The following CHAC1 variants were observed in gnomAD, a reference collection of about 807,000 sequenced individuals.
CHAC1 encodes the protein ChaC glutathione specific gamma-glutamylcyclotransferase 1.
CHAC1 carries 22 observed loss-of-function variants against 22.1 expected under a neutral mutation model. The ratio of observed to expected loss-of-function variants is 1.00; its 90% CI spans 0.71 to 1.42. The LOEUF (loss-of-function observed/expected upper bound fraction) is 1.42. Ranked by LOEUF, CHAC1 falls within the 40% of genes most tolerant of loss-of-function variation. The pLI, the probability that CHAC1 is intolerant of heterozygous loss-of-function variation, is 0.00. For missense variants in CHAC1, 272 were observed against 299.2 expected (o/e 0.91, Z 0.67); for synonymous variants, 145 against 128.7 (o/e 1.13, Z -0.86).
In CHAC1 at chr15:40,955,696, C is replaced by G. The variant is rs1325157641; in HGVS notation, c.591C>G (p.His197Gln). ...GTGGGCCTCAGGCGCAGGACGAGCA[C>G]CTGGCAGCCATCGTGGACGCTGTGG... ...QLCGPQAQDE[H>Q]LAAIVDAVGT... is the part of the protein sequence containing the mutation. Residue 197 changes from histidine (H) to glutamine (Q), a missense_variant, in exon 3 of 3, where the codon CAC becomes CAG. By Grantham distance (24) the His-to-Gln change is conservative (BLOSUM62 0). Coordinates refer to ENST00000617768, the MANE Select transcript of CHAC1 (RefSeq NM_024111.6). 11 of 1,609,100 alleles carry G rather than the reference C, an allele frequency of 6.8e-6. No homozygotes were observed. The highest frequency in any genetic ancestry group is 2.2e-5 in the East Asian group (1 of 44,878).
Position 40,955,911 on chromosome 15 carries a change from C to T in CHAC1, c.*137C>T, listed in dbSNP as rs139980363. ...GGCTGGAGGCTTCTCTTTCTCAGTC[C>T]CTGCCTGTCTGCCAGCCTGCAGCTC... On this transcript the variant is annotated 3_prime_UTR_variant, in exon 3 of 3. Coordinates refer to ENST00000617768, the MANE Select transcript of CHAC1 (RefSeq NM_024111.6). 5.7e-6 allele frequency: 5 copies of T among 870,948 alleles called. No individual in the cohort carries two copies. The East Asian group carries it at 1.3e-4, about 23-fold the overall frequency. 54.0% of individuals were successfully genotyped at this position (870,948 alleles called of 1,614,324 possible).
Position 40,953,703 on chromosome 15 carries a change from C to T in CHAC1, c.120C>T (p.Ser40=), listed in dbSNP as rs1477705418. The T allele has an allele frequency of 6.2e-7, 1 of 1,606,806 alleles. No individual in the cohort carries two copies. The highest frequency in any genetic ancestry group is 1.7e-5 in the Admixed American group (1 of 60,022). The part of the protein sequence containing the change: ...PQALWIFGYG[S]LVWRPDFAYS... ...CGCTGTGGATTTTCGGGTACGGCTC[C>T]CTGGTGTGGAGGCCCGACTTCGCCT... is the stretch of plus-strand genomic sequence containing the variant. Residue 40 remains serine, a synonymous_variant, in exon 1 of 3, where the codon TCC becomes TCT. Coordinates refer to ENST00000617768, the MANE Select transcript of CHAC1 (RefSeq NM_024111.6).
chr15:40,954,333 G>C, intron 2 of CHAC1, 70 bp downstream of exon 2: 1 of 1,507,220 alleles, frequency 6.6e-7, no homozygotes, highest in Non-Finnish European at 9.2e-7. Context: ...GAGCTCATAG[G>C]CTCTTGGCTG....
chr15:40,954,308 G>T (rs746359894), intron 2 of CHAC1, 45 bp downstream of exon 2: 7 of 1,602,216 alleles, frequency 4.4e-6, no homozygotes, highest in African/African-American at 2.7e-5. Flanking sequence ...CAGTGTGAAG[G>T]GGGACCAGCA....
At chr15:40,954,972 C>T (rs1364176970) in intron 2 of CHAC1, among the ~76,000 whole-genome samples, 2 of 150,220 alleles carry the variant, frequency 1.3e-5, no homozygotes, top group Non-Finnish European at 2.9e-5. Context: ...GAAGTCACTG[C>T]AACCTCCACC....
chr15:40,953,678 C>T lies in CHAC1; in HGVS notation c.95C>T (p.Ala32Val), dbSNP rs1893158782. The part of the protein sequence containing the change: ...QFPRNDGDPQ[A>V]LWIFGYGSLV... Reference sequence around the variant, plus strand: ...CCCCGAAACGACGGCGACCCTCAAGCGCTGTGGATTTTCGGGTACGGCTCC... The same window carrying T: ...CCCCGAAACGACGGCGACCCTCAAGTGCTGTGGATTTTCGGGTACGGCTCC... Residue 32 changes from alanine to valine, a missense_variant, in exon 1 of 3, where the codon GCG becomes GTG. By Grantham distance (64) the Ala-to-Val change is moderately conservative. Coordinates refer to ENST00000617768, the MANE Select transcript of CHAC1 (RefSeq NM_024111.6). 1 of 1,608,542 alleles carries T rather than the reference C, an allele frequency of 6.2e-7. No individual in the cohort carries two copies. Among genetic ancestry groups the T allele is most frequent in the Admixed American group, 1.7e-5 (1 of 60,028 alleles).
At chr15:40,955,335 T>C (rs1469277450) in intron 2 of CHAC1, 38 bp from the exon 3 acceptor site, 2 of 1,606,566 alleles carry the variant, frequency 1.2e-6, no homozygotes, top group African/African-American at 2.7e-5. Flanking sequence ...AGCAAGGAGC[T>C]GTCATGACTG....
In CHAC1 at chr15:40,955,351, G is replaced by A. The variant is rs561417357; in HGVS notation, c.268-22G>A. The stretch of plus-strand genomic sequence containing the variant: ...GCAAGGAGCTGTCATGACTGACCCC[G>A]GGTGTCCCTATTTCTTCCCAGGGCT... On this transcript the variant is annotated intron_variant, in intron 2 of 2. Coordinates refer to ENST00000617768, the MANE Select transcript of CHAC1 (RefSeq NM_024111.6). The A allele has an allele frequency of 1.9e-5, 30 of 1,611,926 alleles. No homozygotes were observed. The Admixed American group carries it at 2.7e-4, about 14-fold the overall frequency.
In CHAC1 at chr15:40,955,465, C is replaced by T; in HGVS notation, c.360C>T (p.Gly120=). ...YLNVREAVLG[G]YDTKEVTFYP... ...ATGTGCGAGAGGCAGTGCTTGGTGG[C>T]TACGATACCAAGGAGGTCACCTTCT... Residue 120 remains glycine (G), a synonymous_variant, in exon 3 of 3, where the codon GGC becomes GGT. Transcript: ENST00000617768. 6.2e-7 allele frequency: 1 copy of T among 1,614,134 alleles called. No homozygotes were observed. Among genetic ancestry groups the T allele is most frequent in the Non-Finnish European group, 8.5e-7 (1 of 1,180,000 alleles).
intron 2 of CHAC1, 111 bp downstream of exon 2, chr15:40,954,374 A>G (rs767634478): frequency 9.7e-6 from 11 of 1,131,256 alleles, no homozygotes; most frequent in Middle Eastern, 2.7e-4. Flanking sequence ...CTTCTCTGGC[A>G]GAGTAGAAAC....
At chr15:40,954,130 C>T in intron 1 of CHAC1, 98 bp from the exon 2 acceptor site, 1 of 1,327,040 alleles carries the variant, frequency 7.5e-7, no homozygotes, top group Non-Finnish European at 1.1e-6. Context: ...GAGTGGGGCA[C>T]TTGGAGGCCC....
Position 40,955,379 on chromosome 15 carries a change from A to G in CHAC1, c.274A>G (p.Thr92Ala), listed in dbSNP as rs138681810. 5.0e-5 allele frequency: 80 copies of G among 1,613,746 alleles called. No homozygotes were observed. The African/African-American group carries it at 1.0e-3, about 20-fold the overall frequency. ...VTLLEDHEGC[T>A]WGVAYQVQGE... ...TGTCCCTATTTCTTCCCAGGGCTGC[A>G]CTTGGGGCGTGGCATACCAAGTGCA... The change falls in exon 3 of 3, where the codon ACT (threonine) becomes GCT (alanine). Residue 92 changes from threonine (T) to alanine (A), a missense_variant. By Grantham distance (58) the Thr-to-Ala change is moderately conservative. Transcript: ENST00000617768.
chr15:40,954,218 C>G lies in CHAC1; in HGVS notation c.232-10C>G, dbSNP rs1029847409. 3.5e-5 allele frequency: 57 copies of G among 1,613,802 alleles called. No individual in the cohort carries two copies. The highest frequency in any genetic ancestry group is 4.2e-5 in the Non-Finnish European group (50 of 1,179,890). On this transcript the variant is annotated splice_polypyrimidine_tract_variant and intron_variant, in intron 1 of 2. Coordinates refer to ENST00000617768, the MANE Select transcript of CHAC1 (RefSeq NM_024111.6). ...ACTTGTCTATTTCAAAATATTTCTT[C>G]CCTCCCTAGCCTGGCCGTGTGGTGA...
Position 40,955,958 on chromosome 15 carries a change from T to G in CHAC1, c.*184T>G. The G allele has an allele frequency of 1.6e-6, 1 of 634,066 alleles. No individual in the cohort carries two copies. The highest frequency in any genetic ancestry group is 1.8e-5 in the African/African-American group (1 of 54,622). The allele number at this position is 634,066 out of a possible 1,614,324, so 39.3% of individuals were successfully genotyped here. On this transcript the variant is annotated 3_prime_UTR_variant, in exon 3 of 3. Transcript: ENST00000617768. ...GCTCTCCTGCTTGACACTGACTTAC[T>G]ACTTGAAACTTTATTTATTGCACCA...
chr15:40,953,545 C>G lies in CHAC1; in HGVS notation c.-39C>G, dbSNP rs1245976457. 4.4e-6 allele frequency: 7 copies of G among 1,607,692 alleles called. No individual in the cohort carries two copies. Among genetic ancestry groups the G allele is most frequent in the Non-Finnish European group, 5.9e-6 (7 of 1,179,430 alleles). On this transcript the variant is annotated 5_prime_UTR_variant, in exon 1 of 3. Transcript: ENST00000617768. ...TTTCCGTGCCCACGCCGGAGACCAG[C>G]CCCGGAGGCCGCCTGGGCCTATCCC...
In CHAC1 at chr15:40,955,953, CT is replaced by C; in HGVS notation, c.*181del. ...CTGCAGCTCTCCTGCTTGACACTGA[CT>C]TACTACTTGAAACTTTATTTATTGC... On this transcript the variant is annotated 3_prime_UTR_variant, in exon 3 of 3. Coordinates refer to ENST00000617768, the MANE Select transcript of CHAC1 (RefSeq NM_024111.6). 1 of 655,144 alleles carries C rather than the reference CT, an allele frequency of 1.5e-6. No homozygotes were observed. Among genetic ancestry groups the C allele is most frequent in the Non-Finnish European group, 2.6e-6 (1 of 390,920 alleles). The allele number at this position is 655,144 out of a possible 1,614,324, so 40.6% of individuals were successfully genotyped here.
At chr15:40,954,129 A>T in intron 1 of CHAC1, 99 bp from the exon 2 acceptor site, 2 of 1,271,912 alleles carry the variant, frequency 1.6e-6, no homozygotes, top group South Asian at 1.2e-5. Context: ...AGAGTGGGGC[A>T]CTTGGAGGCC....
Position 40,955,802 on chromosome 15 carries a change from A to C in CHAC1, c.*28A>C, listed in dbSNP as rs764461658. 6.4e-7 allele frequency: 1 copy of C among 1,555,272 alleles called. No individual in the cohort carries two copies. Among genetic ancestry groups the C allele is most frequent in the Non-Finnish European group, 8.6e-7 (1 of 1,156,152 alleles). On this transcript the variant is annotated 3_prime_UTR_variant, in exon 3 of 3. Transcript: ENST00000617768. Reference sequence around the variant, plus strand: ...GGCTGAGCCCCTGCGGGGAGTGCTCATGTGGACATCAGGGCCAGACACCCA... The same window carrying C: ...GGCTGAGCCCCTGCGGGGAGTGCTCCTGTGGACATCAGGGCCAGACACCCA...
At chr15:40,955,258 C>A in intron 2 of CHAC1, 115 bp from the exon 3 acceptor site, 2 of 1,158,492 alleles carry the variant, frequency 1.7e-6, no homozygotes, top group Admixed American at 2.2e-5. Context: ...GCTCATCAGC[C>A]GACCACAGCC....
Sources: allele counts gnomAD v4.1 joint callset (sites outside exome capture counted in the v4.1 genomes callset), GRCh38; gene constraint gnomAD v4.1.1; transcripts MANE v1.5; gene names NCBI Gene and HGNC (gene_info 2026-07-23, HGNC 2026-07-21).